CIT: variants seen among roughly 807,000 people sequenced by gnomAD.
CIT encodes the protein citron Rho-interacting kinase.
A neutral mutation model predicts 272.7 loss-of-function variants in CIT; 79 were observed. The observed-to-expected ratio is 0.29, with a 90% CI of 0.24 to 0.35. The LOEUF (loss-of-function observed/expected upper bound fraction) is 0.35, where lower values mean the gene tolerates loss of function less well. CIT is among the 10% of genes least tolerant of loss of function. The probability of loss-of-function intolerance (pLI) is 1.00; values close to 1 mark genes in which losing one functional copy is unlikely to be tolerated. For synonymous variants in CIT, 948 were observed against 995.6 expected, an observed-to-expected ratio of 0.95 and a Z score of 0.90; for missense variants, 1,909 against 2,618.3, an observed-to-expected ratio of 0.73 and a Z score of 5.91.
chr12:119,700,477 G>T (rs1565903590), intron 44 of CIT, among the ~76,000 whole-genome samples: 1 of 152,140 alleles, frequency 6.6e-6, no homozygotes, highest in Non-Finnish European at 1.5e-5. Flanking sequence ...CCGCCTCCTG[G>T]GTTCAAGCAA....
chr12:119,691,159 A>T, intron 46 of CIT, among the ~76,000 whole-genome samples: 1 of 142,604 alleles, frequency 7.0e-6, no homozygotes, highest in Non-Finnish European at 1.5e-5. Flanking sequence ...GTGACAGAGC[A>T]AGACTCCGTC....
chr12:119,777,606 G>A (rs1457861735), intron 13 of CIT, among the ~76,000 whole-genome samples: 1 of 150,712 alleles, frequency 6.6e-6, no homozygotes, highest in Non-Finnish European at 1.5e-5. Context: ...GGAGGCGGAG[G>A]TTGCAGTGAG....
Position 119,718,599 on chromosome 12 carries a change from A to T in CIT, c.4003+100T>A. On this transcript the variant is annotated intron_variant, in intron 31 of 47. Transcript: ENST00000392521. This position sits in a 1 kb window ranked among gnomAD's most constrained non-coding sequence, Gnocchi z 4.8. ...TCTGGTCTGAAAGCGTATGGGCCAT[A>T]AACGAAGACACTGAGCTAGTTAGTC... 1 of 1,518,160 alleles carries T rather than the reference A, an allele frequency of 6.6e-7. No individual in the cohort carries two copies. The highest frequency in any genetic ancestry group is 1.8e-5 in the Admixed American group (1 of 55,366). The allele number at this position is 1,518,160 out of a possible 1,614,324, so 94.0% of individuals were successfully genotyped here.
intron 2 of CIT, among the ~76,000 whole-genome samples, chr12:119,873,560 G>A (rs918144002): frequency 7.2e-5 from 11 of 152,030 alleles, no homozygotes; most frequent in African/African-American, 1.4e-4. Flanking sequence ...GATTACAGGC[G>A]TGAGCCACCA....
intron 47 of CIT, among the ~76,000 whole-genome samples, chr12:119,689,379 T>C (rs1384923192): frequency 2.0e-5 from 3 of 150,634 alleles, no homozygotes; most frequent in Non-Finnish European, 2.9e-5. Flanking sequence ...CAAGACGCTG[T>C]CTCTCAAAAG....
chr12:119,814,054 C>T (rs1347479767), intron 9 of CIT, among the ~76,000 whole-genome samples: 1 of 152,100 alleles, frequency 6.6e-6, no homozygotes, highest in African/African-American at 2.4e-5. Context: ...TACTTTCAAC[C>T]CTAACTTTAT....
intron 19 of CIT, 104 bp from the exon 20 acceptor site, chr12:119,761,159 G>A: frequency 1.1e-6 from 1 of 896,956 alleles, no homozygotes; most frequent in Non-Finnish European, 1.8e-6. Context: ...GAAAAGCAGG[G>A]GAGAGGCCCG....
rs1280923874 is a variant in CIT, at chr12:119,720,496, T to C, written c.3822A>G (p.Gln1274=). The C allele has an allele frequency of 6.2e-7, 1 of 1,607,232 alleles. No individual in the cohort carries two copies. Among genetic ancestry groups the C allele is most frequent in the South Asian group, 1.1e-5 (1 of 89,262 alleles). ...GACTCACCTTTTTCTTTTTAGCAGG[T>C]TGGTCCATTTTGGCTTGCAGAAAAT... The part of the protein sequence containing the change: ...LIDFLQAKMD[Q]PAKKKKGLFS... Residue 1274 remains glutamine (Q), a synonymous_variant, in exon 30 of 48, where the codon CAA becomes CAG. Transcript: ENST00000392521.
rs905554810 is a variant in CIT at position 119,697,030 on chromosome 12, G to A, written c.5882+629C>T. ...AGTCCAATCCTGTTCAGGAGGTCTC[G>A]CATTCCAGGGAAGGCACGAGGCTGG... On this transcript the variant is annotated intron_variant, in intron 46 of 47. Coordinates refer to ENST00000392521, the MANE Select transcript of CIT (RefSeq NM_001206999.2). The surrounding 1 kb of genome is among the most constrained non-coding windows in gnomAD (Gnocchi z 4.9). 6.6e-6 allele frequency among the ~76,000 whole-genome samples: 1 copy of A among 152,036 alleles called. No individual in the cohort carries two copies. The highest frequency in any genetic ancestry group is 6.6e-5 in the Admixed American group (1 of 15,266).
At chr12:119,755,110 G>C (rs2137443281) in intron 22 of CIT, among the ~76,000 whole-genome samples, 1 of 152,302 alleles carries the variant, frequency 6.6e-6, no homozygotes, top group East Asian at 1.9e-4. Context: ...CACTTTGGAG[G>C]CCACGGAGGG....
chr12:119,770,972 C>A lies in CIT; in HGVS notation c.2083-62G>T. 1 of 1,574,788 alleles carries A rather than the reference C, an allele frequency of 6.4e-7. No homozygotes were observed. On this transcript the variant is annotated intron_variant, in intron 17 of 47. Transcript: ENST00000392521. This position sits in a 1 kb window ranked among gnomAD's most constrained non-coding sequence, Gnocchi z 4.4. ...GTAACCGCTATGGGCATAACACCTGCACCGAGGGAAAGAGCCCTCAAGAAG... is the reference window on the plus strand; with the variant it reads ...GTAACCGCTATGGGCATAACACCTGAACCGAGGGAAAGAGCCCTCAAGAAG...
intron 9 of CIT, among the ~76,000 whole-genome samples, chr12:119,820,544 T>C (rs1231987437): frequency 1.3e-5 from 2 of 151,832 alleles, no homozygotes; most frequent in Admixed American, 6.6e-5. Flanking sequence ...GAAGACTGTG[T>C]CTCAAAAAAT....
At chr12:119,832,640 C>T in intron 7 of CIT, 131 bp downstream of exon 7, 1 of 671,776 alleles carries the variant, frequency 1.5e-6, no homozygotes. Flanking sequence ...GTGTCCCTGT[C>T]CCCACCCCCA....
rs1328681074 is a variant in CIT at position 119,690,488 on chromosome 12, G to C, written c.5883-34C>G. ...ACAAGAGGAACGTAGGGAGCTGCGAGGCCACAACCCCAGAGGGGCATTTTC... is the reference window on the plus strand; with the variant it reads ...ACAAGAGGAACGTAGGGAGCTGCGACGCCACAACCCCAGAGGGGCATTTTC... On this transcript the variant is annotated intron_variant, in intron 46 of 47. Coordinates refer to ENST00000392521, the MANE Select transcript of CIT (RefSeq NM_001206999.2). The surrounding 1 kb of genome is among the most constrained non-coding windows in gnomAD (Gnocchi z 6.0). 1 of 1,531,336 alleles carries C rather than the reference G, an allele frequency of 6.5e-7. No homozygotes were observed. The highest frequency in any genetic ancestry group is 8.7e-7 in the Non-Finnish European group (1 of 1,150,320). The allele number at this position is 1,531,336 out of a possible 1,614,324, so 94.9% of individuals were successfully genotyped here.
intron 3 of CIT, among the ~76,000 whole-genome samples, chr12:119,860,294 C>G (rs1950299223): frequency 6.6e-6 from 1 of 152,106 alleles, no homozygotes; most frequent in Non-Finnish European, 1.5e-5. Flanking sequence ...CTTGGGGAAC[C>G]AGGCAAGAGT....
At position 119,770,142 on chromosome 12, in the gene CIT, A is replaced by G. The variant is rs1345819853; in HGVS notation, c.2208+643T>C. Among the ~76,000 whole-genome samples the G allele has an allele frequency of 1.3e-5, 2 of 152,194 alleles. No individual in the cohort carries two copies. Among genetic ancestry groups the G allele is most frequent in the East Asian group, 3.9e-4 (2 of 5,194 alleles). On this transcript the variant is annotated intron_variant, in intron 18 of 47. Coordinates refer to ENST00000392521, the MANE Select transcript of CIT (RefSeq NM_001206999.2). This position sits in a 1 kb window ranked among gnomAD's most constrained non-coding sequence, Gnocchi z 4.4. ...CCTGGCAGGGGCAAAACGTCAACAC[A>G]TCTGCAAATACCACCCGAACCTTCC...
chr12:119,789,119 A>G (rs407692), intron 10 of CIT, among the ~76,000 whole-genome samples: 68,383 of 152,024 alleles, frequency 0.45, 15,849 homozygotes, highest in Admixed American at 0.56. Flanking sequence ...GGCCCCATTC[A>G]GACCAATTAA....
chr12:119,715,120 G>A (rs566616991), intron 32 of CIT, among the ~76,000 whole-genome samples: 2 of 152,228 alleles, frequency 1.3e-5, no homozygotes, highest in East Asian at 3.9e-4. Context: ...AACCCCTCTC[G>A]CTTGGTTCTT....
intron 27 of CIT, among the ~76,000 whole-genome samples, chr12:119,729,913 G>A (rs921338522): frequency 3.3e-5 from 5 of 152,224 alleles, no homozygotes; most frequent in African/African-American, 1.2e-4. Flanking sequence ...ACGCTGAAGC[G>A]CCTATTCTGT....
Sources: allele counts gnomAD v4.1 joint callset (sites outside exome capture counted in the v4.1 genomes callset), GRCh38; gene constraint gnomAD v4.1.1; non-coding constraint Gnocchi (gnomAD v3.1); transcripts MANE v1.5; gene names NCBI Gene and HGNC (gene_info 2026-07-23, HGNC 2026-07-21).